Variants in TMEM131 observed in about 807,000 individuals in gnomAD.
TMEM131 encodes the protein 2610524E03Rik.
Under a neutral mutation model 211.6 loss-of-function variants are expected in TMEM131, and 66 were observed. The observed-to-expected ratio is 0.31, with a 90% CI of 0.26 to 0.38. The LOEUF (loss-of-function observed/expected upper bound fraction) is 0.38. TMEM131 is among the 10% of genes least tolerant of loss of function. The pLI, the probability that TMEM131 is intolerant of heterozygous loss-of-function variation, is 1.00. For synonymous variants in TMEM131, 844 were observed against 841.3 expected (o/e 1.00, Z -0.06); for missense variants, 2,036 against 2,299.3 (o/e 0.89, Z 2.34).
At chr2:97,842,298 C>G (rs1573446426) in intron 6 of TMEM131, among the ~76,000 whole-genome samples, 1 of 152,212 alleles carries the variant, frequency 6.6e-6, no homozygotes, top group Non-Finnish European at 1.5e-5. Flanking sequence ...AGCCCAGCCC[C>G]AGGTCATTCC....
chr2:97,815,045 A>T (rs1001223783), intron 13 of TMEM131, among the ~76,000 whole-genome samples, 154 bp downstream of exon 13: 11 of 152,128 alleles, frequency 7.2e-5, no homozygotes, highest in African/African-American at 2.4e-4. Flanking sequence ...AAAATATAGG[A>T]GGTTTTCTCT....
At chr2:97,821,736 C>T (rs1426598329) in intron 11 of TMEM131, among the ~76,000 whole-genome samples, 2 of 152,264 alleles carry the variant, frequency 1.3e-5, no homozygotes, top group East Asian at 1.9e-4. Context: ...CCTTAGAATT[C>T]GGGGGCTAAA....
At chr2:97,859,685 A>C (rs1271666604) in intron 4 of TMEM131, among the ~76,000 whole-genome samples, 1 of 152,230 alleles carries the variant, frequency 6.6e-6, no homozygotes, top group African/African-American at 2.4e-5. Flanking sequence ...CTCAGAACCC[A>C]GTGAGGCGGC....
At chr2:97,793,026 C>T (rs760034392) in intron 30 of TMEM131, 42 bp from the exon 31 acceptor site, 2 of 1,350,968 alleles carry the variant, frequency 1.5e-6, no homozygotes, top group South Asian at 1.5e-5. Context: ...TAGCAACCTA[C>T]AAAATCTAAT....
chr2:97,759,029 G>A lies in TMEM131; in HGVS notation c.5231C>T (p.Ser1744Phe), dbSNP rs1678668319. The A allele has an allele frequency of 6.2e-7, 1 of 1,614,056 alleles. No homozygotes were observed. Among genetic ancestry groups the A allele is most frequent in the Non-Finnish European group, 8.5e-7 (1 of 1,179,908 alleles). The change falls in exon 40 of 41, where the codon TCT becomes TTT. Residue 1744 changes from serine to phenylalanine, a missense_variant. Transcript: ENST00000186436. Reference sequence around the variant, plus strand: ...CTGTGAGGCCTGATTGCACGATCGAGATAATCCGAGTTTGCTGAAAACTTC... The same window carrying A: ...CTGTGAGGCCTGATTGCACGATCGAAATAATCCGAGTTTGCTGAAAACTTC... ...TGEVFSKLGL[S>F]RSCNQASQRS...
intron 2 of TMEM131, among the ~76,000 whole-genome samples, chr2:97,917,098 A>C (rs1398426432): frequency 2.0e-5 from 3 of 152,180 alleles, no homozygotes; most frequent in African/African-American, 4.8e-5. Context: ...CATTTCCAAG[A>C]CAATTTAGAA....
At chr2:97,941,021 T>C (rs538249728) in intron 1 of TMEM131, among the ~76,000 whole-genome samples, 2 of 152,138 alleles carry the variant, frequency 1.3e-5, no homozygotes, top group East Asian at 3.9e-4. Context: ...GCCAAGACAA[T>C]CCTAAGCCAA....
At chr2:97,775,424 G>A (rs3821053) in intron 32 of TMEM131, among the ~76,000 whole-genome samples, 52,481 of 152,030 alleles carry the variant, frequency 0.35, 9,988 homozygotes, top group Middle Eastern at 0.49. Flanking sequence ...CTTCCAGCAG[G>A]TGCTAGGAGC....
chr2:97,799,619 C>G (rs1235506137), intron 25 of TMEM131, among the ~76,000 whole-genome samples: 2 of 152,190 alleles, frequency 1.3e-5, no homozygotes, highest in South Asian at 2.1e-4. Context: ...AGCATGACAG[C>G]TTCCCAATAC....
At chr2:97,880,580 G>GT (rs1674884640) in intron 4 of TMEM131, among the ~76,000 whole-genome samples, 1 of 152,128 alleles carries the variant, frequency 6.6e-6, no homozygotes, top group Non-Finnish European at 1.5e-5. Context: ...GAGGGAAAGG[G>GT]AGGAATCCAG....
At chr2:97,985,625 T>C (rs1248801383) in intron 1 of TMEM131, among the ~76,000 whole-genome samples, 2 of 151,392 alleles carry the variant, frequency 1.3e-5, no homozygotes, top group Admixed American at 6.6e-5. Flanking sequence ...ATAAATAAGC[T>C]ATATTACCTA....
intron 17 of TMEM131, among the ~76,000 whole-genome samples, chr2:97,811,587 T>A (rs1477155755): frequency 6.6e-6 from 1 of 152,172 alleles, no homozygotes; most frequent in East Asian, 1.9e-4. Context: ...GGAGCCACAA[T>A]TGTATACACA....
Position 97,805,689 on chromosome 2 carries a change from A to T in TMEM131, c.2070T>A (p.His690Gln). ...AGGAATTCATAATATTTAAACTTTG[A>T]TGAACTATTTTCCCCTGAAGGAAGA... is the stretch of plus-strand genomic sequence containing the variant. Reference protein sequence around the residue: ...LPPSFPGKIVHQSLNIMNSFS... With the variant: ...LPPSFPGKIVQQSLNIMNSFS... Residue 690 changes from histidine (H) to glutamine (Q), a missense_variant, in exon 20 of 41, where the codon CAT becomes CAA. His to Gln is a conservative substitution (Grantham distance 24, BLOSUM62 0). Around this residue, in one of 3 missense-constraint regions of TMEM131, gnomAD observed 1,623 missense variants for 1,805.9 expected, o/e 0.90. Transcript: ENST00000186436. The T allele has an allele frequency of 6.3e-7, 1 of 1,595,446 alleles. No individual in the cohort carries two copies. Among genetic ancestry groups the T allele is most frequent in the Non-Finnish European group, 8.6e-7 (1 of 1,168,802 alleles).
At chr2:97,940,504 G>C (rs1365691637) in intron 1 of TMEM131, among the ~76,000 whole-genome samples, 1 of 152,062 alleles carries the variant, frequency 6.6e-6, no homozygotes, top group East Asian at 1.9e-4. Flanking sequence ...CCACTGCTCA[G>C]TGAAATAAAA....
chr2:97,855,005 T>C (rs544564644), intron 5 of TMEM131, among the ~76,000 whole-genome samples: 1 of 152,304 alleles, frequency 6.6e-6, no homozygotes, highest in African/African-American at 2.4e-5. Context: ...AATTTACTTA[T>C]TTATCATGCT....
chr2:97,922,526 C>A (rs547704589), intron 2 of TMEM131, among the ~76,000 whole-genome samples: 1 of 152,172 alleles, frequency 6.6e-6, no homozygotes, highest in African/African-American at 2.4e-5. Flanking sequence ...CAATGCAACA[C>A]TATTCAGCAA....
intron 4 of TMEM131, among the ~76,000 whole-genome samples, chr2:97,860,220 T>A (rs1042143406): frequency 2.0e-5 from 3 of 152,174 alleles, no homozygotes; most frequent in Non-Finnish European, 4.4e-5. Flanking sequence ...GGTTCCTTCC[T>A]AATCTCACAT....
At chr2:97,845,433 T>C (rs993379845) in intron 5 of TMEM131, among the ~76,000 whole-genome samples, 16 of 152,080 alleles carry the variant, frequency 1.1e-4, no homozygotes, top group African/African-American at 2.9e-4. Flanking sequence ...AACAGAAAGA[T>C]ACCCGGCAAA....
In TMEM131 at chr2:97,758,943, G is replaced by C; in HGVS notation, c.5317C>G (p.Pro1773Ala). 6.2e-7 allele frequency: 1 copy of C among 1,614,032 alleles called. No homozygotes were observed. Among genetic ancestry groups the C allele is most frequent in the Admixed American group, 1.7e-5 (1 of 60,038 alleles). The change falls in exon 40 of 41, where the codon CCC (proline) becomes GCC (alanine). Residue 1773 changes from proline (P) to alanine (A), a missense_variant. Coordinates refer to ENST00000186436, the MANE Select transcript of TMEM131 (RefSeq NM_015348.2). ...SYLWESPATDPSPSWPASSGS... is the reference protein window; with the variant it reads ...SYLWESPATDASPSWPASSGS... The stretch of plus-strand genomic sequence containing the variant: ...GAACTGGCTGGCCAGGAAGGACTGG[G>C]ATCTGTCGCTGGCGACTCCCAAAGG...
Sources: allele counts gnomAD v4.1 joint callset (sites outside exome capture counted in the v4.1 genomes callset), GRCh38; gene constraint gnomAD v4.1.1; regional missense constraint gnomAD v4.1.1; transcripts MANE v1.5; gene names NCBI Gene and HGNC (gene_info 2026-07-23, HGNC 2026-07-21).